The following PDE1C variants were observed in gnomAD, a reference collection of about 807,000 sequenced individuals.
PDE1C encodes dual specificity calcium/calmodulin-dependent 3',5'-cyclic nucleotide phosphodiesterase 1C.
A neutral mutation model predicts 93.1 loss-of-function variants in PDE1C; 62 were observed. The ratio of observed to expected loss-of-function variants is 0.67; its 90% CI spans 0.54 to 0.82. The LOEUF is 0.82. Among genes scored for constraint, PDE1C ranks in the 40% least tolerant of loss-of-function variants. The pLI is 0.00. For missense variants in PDE1C, 742 were observed against 884.6 expected (o/e 0.84, Z 2.04); for synonymous variants, 325 against 310.1 (o/e 1.05, Z -0.50).
chr7:31,967,974 T>C (rs1178441564), intron 2 of PDE1C, among the ~76,000 whole-genome samples: 1 of 152,192 alleles, frequency 6.6e-6, no homozygotes, highest in Non-Finnish European at 1.5e-5. Context: ...TAATAAGAGC[T>C]GTCTATGACA....
chr7:31,649,671 A>G, the PDE1C span, among the ~76,000 whole-genome samples: 2 of 152,212 alleles, frequency 1.3e-5, no homozygotes, highest in Non-Finnish European at 2.9e-5. Flanking sequence ...ACAAGCATTA[A>G]TATTACTCAA....
chr7:31,653,592 T>G, the PDE1C span: 2 of 152,148 alleles, frequency 1.3e-5, no homozygotes, highest in African/African-American at 4.8e-5. Context: ...AATTTCCCAG[T>G]GGGCAAATTG....
intron 15 of PDE1C, among the ~76,000 whole-genome samples, chr7:31,810,382 GATTTACTCTT>G (rs1452007073): frequency 6.6e-6 from 1 of 152,064 alleles, no homozygotes; most frequent in Non-Finnish European, 1.5e-5. Context: ...TGAGGGACAG[GATTTACTCTT>G]GTTTACTTTA....
intron 16 of PDE1C, among the ~76,000 whole-genome samples, chr7:31,807,061 GT>G (rs1400729742): frequency 1.3e-5 from 2 of 151,708 alleles, no homozygotes; most frequent in East Asian, 3.9e-4. Flanking sequence ...CCTGTTAAAG[GT>G]TTTGGACTAA....
chr7:32,126,234 TAGA>T lies in PDE1C; in HGVS notation c.308+43548_308+43550del, dbSNP rs1284599504. On this transcript the variant is annotated intron_variant, in intron 3 of 18. Coordinates refer to the PDE1C transcript ENST00000396193. ...ATAGATAGATAGATAGATAGATAGA[TAGA>T]TAGATAGATTCATTTAAATATCAAT... Among the ~76,000 whole-genome samples the T allele has an allele frequency of 6.8e-3, 1,038 of 152,098 alleles. 15 individuals are homozygous for T. Among genetic ancestry groups the T allele is most frequent in the African/African-American group, 0.023 (945 of 41,480 alleles).
At chr7:31,802,315 C>T (rs1281826708) in intron 16 of PDE1C, among the ~76,000 whole-genome samples, 2 of 151,548 alleles carry the variant, frequency 1.3e-5, no homozygotes, top group Non-Finnish European at 3.0e-5. Context: ...TATAACACCT[C>T]ATGCATGATA....
the PDE1C span, chr7:31,658,450 A>C: frequency 3.6e-6 from 5 of 1,384,300 alleles, no homozygotes; most frequent in East Asian, 1.3e-4. Context: ...TGTCGAACAA[A>C]ATAGAACATT....
chr7:32,214,311 C>G (rs1806267311), intron 1 of PDE1C, among the ~76,000 whole-genome samples: 1 of 152,134 alleles, frequency 6.6e-6, no homozygotes, highest in Non-Finnish European at 1.5e-5. Context: ...TCCAAGAGGG[C>G]TCCTTGTAAG....
At chr7:32,420,122 TATACACACAC>T (rs1388415631) in intron 1 of PDE1C, among the ~76,000 whole-genome samples, 1,045 of 19,506 alleles carry the variant, frequency 0.054, 173 homozygotes, top group East Asian at 0.072. Flanking sequence ...TATATATATA[TATACACACAC>T]ACACACACAC....
intron 2 of PDE1C, among the ~76,000 whole-genome samples, chr7:31,938,668 C>G (rs898746980): frequency 1.3e-5 from 2 of 152,112 alleles, no homozygotes; most frequent in African/African-American, 4.8e-5. Flanking sequence ...GCACATAAAA[C>G]TATTCAATAA....
chr7:32,341,173 C>CTTTTTTTTTTTTTTT (rs3079623), intron 1 of PDE1C, among the ~76,000 whole-genome samples: 32 of 84,956 alleles, frequency 3.8e-4, no homozygotes, highest in African/African-American at 1.3e-3. Context: ...GAAATAAAGT[C>CTTTTTTTTTTTTTTT]TTTTTTTTTT....
chr7:32,266,257 G>A (rs972274647), intron 1 of PDE1C, among the ~76,000 whole-genome samples: 6 of 151,874 alleles, frequency 4.0e-5, no homozygotes, highest in Non-Finnish European at 7.4e-5. Context: ...ACTCCAGCCT[G>A]GGCGACAGAG....
At chr7:31,883,316 G>C (rs1259315562) in intron 2 of PDE1C, among the ~76,000 whole-genome samples, 1 of 152,172 alleles carries the variant, frequency 6.6e-6, no homozygotes, top group Non-Finnish European at 1.5e-5. Flanking sequence ...GAGTGAATTC[G>C]TGAGTCTCCA....
chr7:32,152,874 C>A (rs541303407), intron 3 of PDE1C, among the ~76,000 whole-genome samples: 1 of 152,224 alleles, frequency 6.6e-6, no homozygotes, highest in Non-Finnish European at 1.5e-5. Context: ...ATAATTATAA[C>A]TATGAGAATA....
chr7:32,208,160 T>A (rs751437077), intron 2 of PDE1C, among the ~76,000 whole-genome samples: 1 of 152,228 alleles, frequency 6.6e-6, no homozygotes, highest in Non-Finnish European at 1.5e-5. Context: ...CGTACATTAT[T>A]ACAGTTCTAT....
At chr7:32,229,138 T>C (rs1351372483) in intron 1 of PDE1C, among the ~76,000 whole-genome samples, 1 of 152,154 alleles carries the variant, frequency 6.6e-6, no homozygotes, top group African/African-American at 2.4e-5. Flanking sequence ...GAAAGGAAAT[T>C]CACATTTCAG....
intron 1 of PDE1C, among the ~76,000 whole-genome samples, chr7:32,330,934 T>G (rs534777406): frequency 6.6e-6 from 1 of 152,328 alleles, no homozygotes; most frequent in African/African-American, 2.4e-5. Flanking sequence ...CTTCTGCTTA[T>G]GCACACTCAG....
chr7:32,134,499 G>T (rs1800093731), intron 3 of PDE1C, among the ~76,000 whole-genome samples: 2 of 151,982 alleles, frequency 1.3e-5, no homozygotes, highest in Non-Finnish European at 2.9e-5. Context: ...ATATGGAGAA[G>T]AAATAGCCAA....
the PDE1C span, among the ~76,000 whole-genome samples, chr7:31,657,553 T>C: frequency 6.6e-5 from 10 of 152,172 alleles, no homozygotes; most frequent in South Asian, 4.1e-4. Flanking sequence ...ACCACCATCC[T>C]AGCAACTCTT....
Sources: allele counts gnomAD v4.1 joint callset (sites outside exome capture counted in the v4.1 genomes callset), GRCh38; gene constraint gnomAD v4.1.1; transcripts MANE v1.5; gene names NCBI Gene and HGNC (gene_info 2026-07-23, HGNC 2026-07-21).